The following TEK variants were observed in gnomAD, a reference collection of about 807,000 sequenced individuals.
The protein encoded by TEK is TEK receptor tyrosine kinase.
TEK carries 43 observed loss-of-function variants against 131.8 expected under a neutral mutation model. The ratio of observed to expected loss-of-function variants is 0.33; its 90% CI spans 0.26 to 0.42. The LOEUF is 0.42. TEK is among the 10% of genes least tolerant of loss of function. The pLI is 1.00. For synonymous variants in TEK, 580 were observed against 491.6 expected (o/e 1.18, Z -2.38); for missense variants, 1,162 against 1,384.4 (o/e 0.84, Z 2.55).
In TEK at chr9:27,196,109, C is replaced by T. The variant is rs116737240; in HGVS notation, c.1625-1206C>T. On this transcript the variant is annotated intron_variant, in intron 11 of 22. Transcript: ENST00000380036. ...GTATTGCTCAAAATGGTAACAGAAA[C>T]GGTAAATACTCTCCCATAATCCCAT... Among the ~76,000 whole-genome samples the T allele has an allele frequency of 5.9e-3, 891 of 152,296 alleles. 7 individuals carry two copies. Among genetic ancestry groups the T allele is most frequent in the African/African-American group, 0.019 (810 of 41,566 alleles).
rs548412848 is a variant in TEK, at chr9:27,169,738, A to G, written c.628+109A>G. On this transcript the variant is annotated intron_variant, in intron 4 of 22. Transcript: ENST00000380036. ...ATGGCTTCTTAAGCAAAAACCAGGC[A>G]TTGGTTGGAGGTTGTATTAGTCTGT... 1.0e-4 allele frequency: 152 copies of G among 1,474,406 alleles called. 1 individual carries two copies. In the South Asian group the frequency reaches 1.5e-3, roughly 14 times the overall value. The allele number at this position is 1,474,406 out of a possible 1,614,324, so 91.3% of individuals were successfully genotyped here.
At chr9:27,138,059 G>A (rs1323139608) in intron 1 of TEK, among the ~76,000 whole-genome samples, 1 of 152,168 alleles carries the variant, frequency 6.6e-6, no homozygotes, top group Non-Finnish European at 1.5e-5. Flanking sequence ...CGCATCCAGA[G>A]TTGTTTGTTC....
chr9:27,138,550 AG>A (rs1450570750), intron 1 of TEK, among the ~76,000 whole-genome samples: 1 of 152,216 alleles, frequency 6.6e-6, no homozygotes, highest in Non-Finnish European at 1.5e-5. Context: ...CACTTGACCC[AG>A]GAAGTCCAGC....
intron 1 of TEK, among the ~76,000 whole-genome samples, chr9:27,133,960 A>T (rs1822322054): frequency 6.6e-6 from 1 of 152,248 alleles, no homozygotes; most frequent in Non-Finnish European, 1.5e-5. Flanking sequence ...GTGAGGAGTT[A>T]CTGGCCAAGC....
intron 9 of TEK, 32 bp from the exon 10 acceptor site, chr9:27,190,497 A>C: frequency 6.2e-7 from 1 of 1,613,642 alleles, no homozygotes; most frequent in Non-Finnish European, 8.5e-7. Context: ...TCAAAGCCGA[A>C]GGACTAATCT....
At position 27,173,382 on chromosome 9, in the gene TEK, T is replaced by C; in HGVS notation, c.901+20T>C. 2 of 1,613,668 alleles carry C rather than the reference T, an allele frequency of 1.2e-6. No homozygotes were observed. Among genetic ancestry groups the C allele is most frequent in the Non-Finnish European group, 1.7e-6 (2 of 1,179,710 alleles). ...ATGAAGGTATGCACCAATCACACCC[T>C]TGGACAGAGGATGTTCTAGCAGGTA... On this transcript the variant is annotated intron_variant, in intron 6 of 22. Coordinates refer to ENST00000380036, the MANE Select transcript of TEK (RefSeq NM_000459.5).
intron 10 of TEK, 85 bp downstream of exon 10, chr9:27,190,775 C>A (rs1348074287): frequency 1.2e-5 from 19 of 1,551,940 alleles, no homozygotes; most frequent in Non-Finnish European, 1.4e-5. Context: ...TCCCTTCTCC[C>A]TGCCTCAATC....
At chr9:27,193,270 C>T (rs896657538) in intron 11 of TEK, among the ~76,000 whole-genome samples, 10 of 152,162 alleles carry the variant, frequency 6.6e-5, no homozygotes, top group African/African-American at 2.4e-4. Context: ...AAGTGTCCAT[C>T]AGAATCACTC....
intron 2 of TEK, among the ~76,000 whole-genome samples, chr9:27,160,010 GTTTTTTTTT>G (rs563961610): frequency 3.6e-5 from 3 of 84,340 alleles, no homozygotes; most frequent in Non-Finnish European, 4.2e-5. Flanking sequence ...GCTGTTTAGG[GTTTTTTTTT>G]TTTTTTTTTT....
At chr9:27,158,279 A>G (rs527716696) in intron 2 of TEK, 137 bp downstream of exon 2, 14 of 1,014,390 alleles carry the variant, frequency 1.4e-5, no homozygotes, top group South Asian at 4.0e-5. Context: ...GTCTCTTTCC[A>G]TGCATCACCG....
At chr9:27,112,276 G>T (rs1821374090) in intron 1 of TEK, among the ~76,000 whole-genome samples, 1 of 152,194 alleles carries the variant, frequency 6.6e-6, no homozygotes, top group Non-Finnish European at 1.5e-5. Flanking sequence ...GGAAACAGTT[G>T]TAAGGTCAGG....
intron 1 of TEK, among the ~76,000 whole-genome samples, chr9:27,140,067 A>G (rs73425115): frequency 0.047 from 7,188 of 152,220 alleles, 549 homozygotes; most frequent in African/African-American, 0.16. Context: ...TGGTGCTCAG[A>G]TCAGTGTCCA....
intron 2 of TEK, among the ~76,000 whole-genome samples, chr9:27,160,045 A>G (rs1215827204): frequency 4.9e-5 from 6 of 122,228 alleles, no homozygotes; most frequent in African/African-American, 1.7e-4. Context: ...TTTTTTAAAG[A>G]CAAGGGTCTT....
chr9:27,226,291 T>C (rs867389670), intron 21 of TEK, among the ~76,000 whole-genome samples: 1 of 152,234 alleles, frequency 6.6e-6, no homozygotes, highest in Non-Finnish European at 1.5e-5. Flanking sequence ...CGTATGTTTA[T>C]TGCAGCACTG....
At chr9:27,220,993 C>A (rs1826049507) in intron 21 of TEK, among the ~76,000 whole-genome samples, 1 of 152,224 alleles carries the variant, frequency 6.6e-6, no homozygotes, top group South Asian at 2.1e-4. Context: ...CTCAGTGGAG[C>A]CCATCAAGCT....
chr9:27,205,982 A>G (rs1471477585), intron 14 of TEK, among the ~76,000 whole-genome samples: 4 of 152,160 alleles, frequency 2.6e-5, no homozygotes, highest in Admixed American at 6.5e-5. Context: ...TGAGCCTGTC[A>G]AAATACCGGT....
At chr9:27,172,957 T>G (rs1330515174) in intron 5 of TEK, among the ~76,000 whole-genome samples, 3 of 152,132 alleles carry the variant, frequency 2.0e-5, no homozygotes, top group Admixed American at 2.0e-4. Context: ...TACAGATCCG[T>G]GATGTTTACA....
chr9:27,185,418 A>G (rs905822458), intron 8 of TEK, 67 bp from the exon 9 acceptor site: 1 of 1,570,278 alleles, frequency 6.4e-7, no homozygotes. Context: ...AGATGGGGTC[A>G]ATGTTATGGA....
At chr9:27,164,316 T>A (rs1265247491) in intron 2 of TEK, among the ~76,000 whole-genome samples, 1 of 145,634 alleles carries the variant, frequency 6.9e-6, no homozygotes, top group Non-Finnish European at 1.5e-5. Flanking sequence ...CTCATTACAG[T>A]CTTGATTTTT....
Sources: allele counts gnomAD v4.1 joint callset (sites outside exome capture counted in the v4.1 genomes callset), GRCh38; gene constraint gnomAD v4.1.1; transcripts MANE v1.5; gene names NCBI Gene and HGNC (gene_info 2026-07-23, HGNC 2026-07-21).